The following BAZ1B variants were observed in gnomAD, a reference collection of about 807,000 sequenced individuals.
BAZ1B encodes bromodomain adjacent to zinc finger domain 1B.
Under a neutral mutation model 153.8 loss-of-function variants are expected in BAZ1B, and 22 were observed. The ratio of observed to expected loss-of-function variants is 0.14; its 90% CI spans 0.10 to 0.20. The LOEUF (loss-of-function observed/expected upper bound fraction) is 0.20, where lower values mean the gene tolerates loss of function less well. Among genes scored for constraint, BAZ1B ranks in the 10% least tolerant of loss-of-function variants. The pLI is 1.00. For missense variants in BAZ1B, 1,325 were observed against 1,799.3 expected (o/e 0.74, Z 4.77); for synonymous variants, 676 against 633.4 (o/e 1.07, Z -1.01).
intron 6 of BAZ1B, among the ~76,000 whole-genome samples, chr7:73,481,902 G>A (rs943635727): frequency 3.9e-5 from 6 of 152,118 alleles, no homozygotes; most frequent in Admixed American, 1.3e-4. Flanking sequence ...AGCCTGGCGC[G>A]GTGGCGGGCG....
chr7:73,500,983 G>A (rs1484561957), intron 3 of BAZ1B, among the ~76,000 whole-genome samples: 5 of 150,850 alleles, frequency 3.3e-5, no homozygotes, highest in Non-Finnish European at 5.9e-5. Context: ...AAGGCCGGGC[G>A]CAGTGGCTCA....
intron 6 of BAZ1B, among the ~76,000 whole-genome samples, chr7:73,486,692 G>A (rs1583924386): frequency 6.6e-6 from 1 of 152,298 alleles, no homozygotes; most frequent in East Asian, 1.9e-4. Context: ...AATGTACTCA[G>A]AGCCTGACAG....
At chr7:73,442,088 C>T in intron 19 of BAZ1B, 93 bp downstream of exon 19, 1 of 908,758 alleles carries the variant, frequency 1.1e-6, no homozygotes. Context: ...ACAGGCGTTT[C>T]TGGACTCCCT....
Position 73,450,768 on chromosome 7 carries a change from T to C in BAZ1B, c.3580+79A>G, listed in dbSNP as rs1788003621. On this transcript the variant is annotated intron_variant, in intron 14 of 19. Coordinates refer to ENST00000339594, the MANE Select transcript of BAZ1B (RefSeq NM_032408.4). This position sits in a 1 kb window ranked among gnomAD's most constrained non-coding sequence, Gnocchi z 4.1. Reference sequence around the variant, plus strand: ...TATATTCTGTGTACACAAAATTCTTTTGGGTAGAAATGAAGATCTTGGGAA... The same window carrying C: ...TATATTCTGTGTACACAAAATTCTTCTGGGTAGAAATGAAGATCTTGGGAA... The C allele has an allele frequency of 3.3e-6, 5 of 1,532,240 alleles. No homozygotes were observed. The highest frequency in any genetic ancestry group is 1.4e-5 in the African/African-American group (1 of 73,120). The allele number at this position is 1,532,240 out of a possible 1,614,324, so 94.9% of individuals were successfully genotyped here.
intron 13 of BAZ1B, among the ~76,000 whole-genome samples, chr7:73,458,817 C>A (rs1554569903): frequency 1.3e-5 from 2 of 152,078 alleles, no homozygotes; most frequent in African/African-American, 4.8e-5. Flanking sequence ...TAGCTTGAGG[C>A]CAGAAGTTCA....
Position 73,466,393 on chromosome 7 carries a change from C to T in BAZ1B, c.2875G>A (p.Ala959Thr). The T allele has an allele frequency of 3.1e-6, 5 of 1,612,632 alleles. No individual in the cohort carries two copies. The highest frequency in any genetic ancestry group is 4.2e-6 in the Non-Finnish European group (5 of 1,178,860). Residue 959 changes from alanine to threonine, a missense_variant, in exon 10 of 20, where the codon GCA (alanine) becomes ACA (threonine). Transcript: ENST00000339594. ...DEDYCPRSKK[A>T]NLGKNASMNT... ...ATGCTTGCATTTTTACCTAAGTTTG[C>T]TTTCTTACCTAAGAAAAATTGAGAC...
intron 1 of BAZ1B, 72 bp from the exon 2 acceptor site, chr7:73,510,924 T>G: frequency 1.6e-6 from 2 of 1,253,342 alleles, no homozygotes; most frequent in Non-Finnish European, 2.3e-6. Context: ...AAGATACTTA[T>G]ATACAGAAAA....
chr7:73,481,380 G>A (rs1484176733), intron 6 of BAZ1B, among the ~76,000 whole-genome samples: 6 of 152,050 alleles, frequency 3.9e-5, no homozygotes, highest in East Asian at 2.0e-4. Flanking sequence ...AGCCAGGTGC[G>A]GTGGCGGGCG....
chr7:73,443,470 C>T (rs1787705923), intron 17 of BAZ1B, among the ~76,000 whole-genome samples: 1 of 152,174 alleles, frequency 6.6e-6, no homozygotes, highest in Non-Finnish European at 1.5e-5. Context: ...TCCCAAATGG[C>T]CTGCCTTAAG....
At position 73,478,212 on chromosome 7, in the gene BAZ1B, A is replaced by T. The variant is rs782536158; in HGVS notation, c.1249T>A (p.Ser417Thr). Reference protein sequence around the residue: ...RSKGILNGQKSTGNSKSPKKG... With the variant: ...RSKGILNGQKTTGNSKSPKKG... ...TTGGGAGATTTGGAATTCCCTGTGG[A>T]TTTCTGTCCATTCAGGATGCCTTTG... Residue 417 changes from serine (S) to threonine (T), a missense_variant, in exon 7 of 20, where the codon TCC becomes ACC. This residue lies in a region of BAZ1B where 219 missense variants were observed against 248.2 expected (regional missense o/e 0.88). Coordinates refer to ENST00000339594, the MANE Select transcript of BAZ1B (RefSeq NM_032408.4). 3.1e-6 allele frequency: 5 copies of T among 1,613,936 alleles called. No individual in the cohort carries two copies. In the South Asian group the frequency reaches 4.4e-5, roughly 14 times the overall value.
chr7:73,447,638 T>G (rs1335604422), intron 15 of BAZ1B, among the ~76,000 whole-genome samples: 1 of 152,094 alleles, frequency 6.6e-6, no homozygotes, highest in Non-Finnish European at 1.5e-5. Flanking sequence ...CAACAGAAAT[T>G]AAGACCAAAA....
At chr7:73,482,866 C>T (rs1039417984) in intron 6 of BAZ1B, among the ~76,000 whole-genome samples, 29 of 152,166 alleles carry the variant, frequency 1.9e-4, no homozygotes, top group African/African-American at 6.5e-4. Flanking sequence ...GCCGGCTCCC[C>T]ACGTGAGCAG....
chr7:73,495,603 TA>T (rs1789844319), intron 4 of BAZ1B, among the ~76,000 whole-genome samples: 1 of 152,176 alleles, frequency 6.6e-6, no homozygotes, highest in African/African-American at 2.4e-5. Context: ...GATACAGCAC[TA>T]TTCACAATAG....
At chr7:73,465,982 A>C (rs570283167) in intron 10 of BAZ1B, among the ~76,000 whole-genome samples, 16 of 152,262 alleles carry the variant, frequency 1.1e-4, no homozygotes, top group Non-Finnish European at 2.1e-4. Context: ...ATAAAATTTA[A>C]GGAAAATCTT....
rs1365810559 is a variant in BAZ1B, at chr7:73,444,038, G to A, written c.3936C>T (p.Thr1312=). Reference sequence around the variant, plus strand: ...GTGGTGCCTTGGGCTGAGACCTCCTGGTAGAGTGTGGCTTCTTACCCGGGC... The same window carrying A: ...GTGGTGCCTTGGGCTGAGACCTCCTAGTAGAGTGTGGCTTCTTACCCGGGC... The part of the protein sequence containing the change: ...GRRPGKKPHS[T]RRSQPKAPPV... The change falls in exon 17 of 20, where the codon ACC becomes ACT. Residue 1312 remains threonine, a synonymous_variant. Transcript: ENST00000339594. 5.6e-6 allele frequency: 9 copies of A among 1,613,740 alleles called. No homozygotes were observed. The Middle Eastern group carries it at 4.9e-4, about 88-fold the overall frequency.
chr7:73,443,178 G>A (rs1327265577), intron 17 of BAZ1B, among the ~76,000 whole-genome samples: 5 of 152,232 alleles, frequency 3.3e-5, no homozygotes, highest in African/African-American at 1.2e-4. Context: ...GGGTTACAGT[G>A]ACACCATGGA....
At chr7:73,499,072 C>A (rs1055527732) in intron 3 of BAZ1B, among the ~76,000 whole-genome samples, 1 of 152,124 alleles carries the variant, frequency 6.6e-6, no homozygotes, top group Non-Finnish European at 1.5e-5. Context: ...GTCACCCAGG[C>A]TGAAGTGCAG....
chr7:73,474,104 G>A (rs1788912811), intron 7 of BAZ1B, among the ~76,000 whole-genome samples: 1 of 152,150 alleles, frequency 6.6e-6, no homozygotes, highest in Non-Finnish European at 1.5e-5. Context: ...CAGTGAAATA[G>A]AATTCAGAGT....
intron 11 of BAZ1B, among the ~76,000 whole-genome samples, chr7:73,464,744 G>A (rs957739434): frequency 6.6e-6 from 1 of 152,016 alleles, no homozygotes; most frequent in Admixed American, 6.6e-5. Context: ...CATTTTGTAT[G>A]AGACAGCATC....
Sources: gnomAD v4.1 joint callset for allele counts (sites outside exome capture counted in the v4.1 genomes callset) on GRCh38, gnomAD v4.1.1 for gene constraint, gnomAD v4.1.1 regional missense constraint, Gnocchi (gnomAD v3.1) non-coding constraint, MANE v1.5 for transcripts, NCBI Gene and HGNC (gene_info 2026-07-23, HGNC 2026-07-21) for gene names.